The following SUGCT variants were observed in gnomAD, a reference collection of about 807,000 sequenced individuals.
SUGCT encodes the protein succinyl-CoA:glutarate-CoA transferase, also known as succinyl-CoA:glutarate CoA-transferase.
SUGCT carries 41 observed loss-of-function variants against 55.0 expected under a neutral mutation model. The ratio of observed to expected loss-of-function variants is 0.74; its 90% confidence interval spans 0.58 to 0.97. SUGCT has a LOEUF of 0.97. Ranked by LOEUF, SUGCT falls within the 50% of genes least tolerant of loss-of-function variation. The pLI is 0.00. For synonymous variants in SUGCT, 187 were observed against 200.4 expected (o/e 0.93, Z 0.56); for missense variants, 568 against 547.8 (o/e 1.04, Z -0.37).
At chr7:40,899,604 C>T in the SUGCT span, among the ~76,000 whole-genome samples, 1 of 152,052 alleles carries the variant, frequency 6.6e-6, no homozygotes, top group Non-Finnish European at 1.5e-5. Flanking sequence ...AGGTAACTCC[C>T]GTCTCTTGAG....
At chr7:40,253,033 G>T (rs1009995523) in intron 7 of SUGCT, among the ~76,000 whole-genome samples, 1 of 152,198 alleles carries the variant, frequency 6.6e-6, no homozygotes, top group Non-Finnish European at 1.5e-5. Flanking sequence ...ATCAGCAATT[G>T]TGTAATATAG....
intron 13 of SUGCT, among the ~76,000 whole-genome samples, chr7:40,846,999 T>C (rs1464612065): frequency 1.3e-5 from 2 of 152,194 alleles, no homozygotes; most frequent in Admixed American, 1.3e-4. Flanking sequence ...CAATAAATAA[T>C]AGCTAGTATC....
intron 8 of SUGCT, among the ~76,000 whole-genome samples, chr7:40,312,316 C>T (rs9638951): frequency 0.56 from 85,187 of 152,034 alleles, 25,263 homozygotes; most frequent in Non-Finnish European, 0.67. Context: ...GTTGGGATTA[C>T]AGGTGTGAGC....
intron 11 of SUGCT, among the ~76,000 whole-genome samples, chr7:40,465,103 G>A (rs992885695): frequency 1.3e-5 from 2 of 152,160 alleles, no homozygotes; most frequent in East Asian, 3.8e-4. Context: ...AGATAAGTTC[G>A]CCTTTTAAAA....
intron 7 of SUGCT, among the ~76,000 whole-genome samples, chr7:40,241,937 C>T (rs913888971): frequency 5.5e-5 from 8 of 146,118 alleles, no homozygotes; most frequent in African/African-American, 1.0e-4. Context: ...AAAAAAAAAC[C>T]GTCTTTATCA....
intron 13 of SUGCT, among the ~76,000 whole-genome samples, chr7:40,774,799 A>G (rs1427082966): frequency 6.6e-6 from 1 of 151,980 alleles, no homozygotes; most frequent in East Asian, 1.9e-4. Context: ...AAAACCCACA[A>G]ATTTGGTGTG....
chr7:40,155,452 CTG>C (rs1783840782), intron 1 of SUGCT, among the ~76,000 whole-genome samples: 2 of 151,932 alleles, frequency 1.3e-5, no homozygotes, highest in Admixed American at 6.6e-5. Flanking sequence ...GAAAAGGACA[CTG>C]CTCGTTTTTG....
In SUGCT at chr7:40,181,919, T is replaced by C. The variant is rs1394442914; in HGVS notation, c.153-36T>C. 3.2e-6 allele frequency: 4 copies of C among 1,239,420 alleles called. 1 individual carries two copies. The highest frequency in any genetic ancestry group is 1.5e-5 in the African/African-American group (1 of 66,422). The allele number at this position is 1,239,420 out of a possible 1,614,324, so 76.8% of individuals were successfully genotyped here. A position where few individuals can be genotyped will look rare whatever the true frequency, so the allele number is the denominator to read the frequency against. ...ATAATTAATATAAACATTTTCAAGA[T>C]GGTAATTAATTTATTTATCATTTTT... On this transcript the variant is annotated intron_variant, in intron 2 of 13. Transcript: ENST00000335693.
intron 8 of SUGCT, among the ~76,000 whole-genome samples, chr7:40,289,103 C>T (rs775615849): frequency 6.6e-6 from 1 of 152,184 alleles, no homozygotes; most frequent in Non-Finnish European, 1.5e-5. Context: ...TCCTTATCCC[C>T]AGAACCTATG....
chr7:40,747,550 T>C (rs1787794868), intron 12 of SUGCT, among the ~76,000 whole-genome samples: 1 of 152,160 alleles, frequency 6.6e-6, no homozygotes, highest in Admixed American at 6.5e-5. Context: ...GTAGAACCAT[T>C]ATAGCTGCCA....
chr7:40,921,487 G>T, the SUGCT span, among the ~76,000 whole-genome samples: 2 of 152,212 alleles, frequency 1.3e-5, no homozygotes, highest in Non-Finnish European at 2.9e-5. Context: ...AGGTCATCAG[G>T]GTGCTCAGAT....
At chr7:40,919,835 C>G in the SUGCT span, among the ~76,000 whole-genome samples, 1 of 152,178 alleles carries the variant, frequency 6.6e-6, no homozygotes, top group South Asian at 2.1e-4. Context: ...GTTCAGAACA[C>G]AGCCAGGCCT....
chr7:40,392,133 G>C (rs1399668115), intron 9 of SUGCT, among the ~76,000 whole-genome samples: 1 of 152,152 alleles, frequency 6.6e-6, no homozygotes, highest in Admixed American at 6.5e-5. Context: ...GGGGCCTGTC[G>C]TGGAGTGGGG....
chr7:40,136,395 A>ACTCCTCG (rs1787698729), intron 1 of SUGCT, among the ~76,000 whole-genome samples: 1 of 151,672 alleles, frequency 6.6e-6, no homozygotes, highest in Non-Finnish European at 1.5e-5. Flanking sequence ...TGTAGCTGCT[A>ACTCCTCG]CTCCTCGCTG....
chr7:40,424,427 A>G (rs1787476540), intron 9 of SUGCT, among the ~76,000 whole-genome samples: 1 of 152,110 alleles, frequency 6.6e-6, no homozygotes, highest in South Asian at 2.1e-4. Context: ...AATCCTAGGT[A>G]TCTATTTGTG....
chr7:40,452,645 C>G (rs1483609397), intron 10 of SUGCT, among the ~76,000 whole-genome samples: 3 of 152,090 alleles, frequency 2.0e-5, no homozygotes, highest in African/African-American at 7.2e-5. Context: ...ATCTGTTTTC[C>G]TATGTATAAA....
At chr7:40,406,046 G>A (rs1252297654) in intron 9 of SUGCT, among the ~76,000 whole-genome samples, 2 of 152,062 alleles carry the variant, frequency 1.3e-5, no homozygotes, top group Non-Finnish European at 2.9e-5. Context: ...CAGCCTCCCT[G>A]AAAATTTGGA....
chr7:40,874,156 A>T, the SUGCT span, among the ~76,000 whole-genome samples: 4 of 152,266 alleles, frequency 2.6e-5, no homozygotes, highest in African/African-American at 9.6e-5. Flanking sequence ...AGCAGATTTC[A>T]GATGATAGCT....
At chr7:40,831,279 C>T (rs543454842) in intron 13 of SUGCT, among the ~76,000 whole-genome samples, 1 of 152,176 alleles carries the variant, frequency 6.6e-6, no homozygotes, top group Non-Finnish European at 1.5e-5. Context: ...CTCCTGCCCC[C>T]CTCCCTCTAC....
Sources: allele counts gnomAD v4.1 joint callset (sites outside exome capture counted in the v4.1 genomes callset), GRCh38; gene constraint gnomAD v4.1.1; transcripts MANE v1.5; gene names NCBI Gene and HGNC (gene_info 2026-07-23, HGNC 2026-07-21).